The following BAIAP2 variants were observed in gnomAD, a reference collection of about 807,000 sequenced individuals.
The protein encoded by BAIAP2 is BAR/IMD domain containing adaptor protein 2.
BAIAP2 carries 18 observed loss-of-function variants against 63.0 expected under a neutral mutation model. The ratio of observed to expected loss-of-function variants is 0.29; its 90% CI spans 0.20 to 0.42. The LOEUF is 0.42. Ranked by LOEUF, BAIAP2 falls within the 10% of genes least tolerant of loss-of-function variation. The probability of loss-of-function intolerance (pLI) is 1.00; values close to 1 mark genes in which losing one functional copy is unlikely to be tolerated. For missense variants in BAIAP2, 610 were observed against 734.3 expected, an observed-to-expected ratio of 0.83 and a Z score of 1.96; for synonymous variants, 386 against 307.6, an observed-to-expected ratio of 1.25 and a Z score of -2.67.
chr17:81,102,850 C>T (rs2058677987), intron 7 of BAIAP2, among the ~76,000 whole-genome samples: 2 of 152,192 alleles, frequency 1.3e-5, no homozygotes, highest in South Asian at 2.1e-4. Context: ...CTGCTTAGGC[C>T]AAATGGCCAG....
intron 3 of BAIAP2, among the ~76,000 whole-genome samples, chr17:81,064,642 TTC>T (rs996184024): frequency 6.6e-6 from 1 of 152,222 alleles, no homozygotes; most frequent in Non-Finnish European, 1.5e-5. Flanking sequence ...TGCCCCTTTG[TTC>T]TCTCTCCTGG....
intron 6 of BAIAP2, among the ~76,000 whole-genome samples, chr17:81,091,726 G>A (rs910856286): frequency 6.6e-6 from 1 of 152,366 alleles, no homozygotes; most frequent in Non-Finnish European, 1.5e-5. Flanking sequence ...GTGACCCCAC[G>A]CAAGGGTGGC....
At chr17:81,079,884 T>C (rs1364593866) in intron 3 of BAIAP2, among the ~76,000 whole-genome samples, 1 of 152,118 alleles carries the variant, frequency 6.6e-6, no homozygotes, top group Non-Finnish European at 1.5e-5. Context: ...TGGCACACCC[T>C]GTCCCTCAGC....
rs60972273 is a variant in BAIAP2 at position 81,057,973 on chromosome 17, A to ACCCCCCCCCCCCC, written c.217+10_217+22dup. ...CCAGGGCTCCAAAGAACTCGGTGAG[A>ACCCCCCCCCCCCC]CCCCCCCCCCCCCCCCGCCTGGTAG... is the stretch of plus-strand genomic sequence containing the variant. On this transcript the variant is annotated splice_region_variant and intron_variant, in intron 3 of 13. Transcript: ENST00000428708. 86 of 765,856 alleles carry ACCCCCCCCCCCCC rather than the reference A, an allele frequency of 1.1e-4. 15 individuals are homozygous for ACCCCCCCCCCCCC. The highest frequency in any genetic ancestry group is 2.6e-4 in the African/African-American group (6 of 22,746). The allele number at this position is 765,856 out of a possible 1,614,324, so 47.4% of individuals were successfully genotyped here. A position where few individuals can be genotyped will look rare whatever the true frequency, so the allele number is the denominator to read the frequency against.
chr17:81,099,365 C>T lies in BAIAP2; in HGVS notation c.490-563C>T, dbSNP rs370904179. ...GGTGCGCCCGGAGTCCCCTCTGCAG[C>T]AGAGGGCTTCCCTGGGGTCCTTGGC... On this transcript the variant is annotated intron_variant, in intron 6 of 13. Transcript: ENST00000428708. Among the ~76,000 whole-genome samples, 525 of 152,318 alleles carry T rather than the reference C, an allele frequency of 3.4e-3. 9 individuals carry two copies. The South Asian group carries it at 0.039, about 11-fold the overall frequency.
intron 13 of BAIAP2, chr17:81,110,960 G>C: frequency 5.0e-6 from 8 of 1,613,874 alleles, no homozygotes; most frequent in Non-Finnish European, 5.9e-6. Context: ...ACTAGAGTTA[G>C]TAAGTTGCCT....
At chr17:81,091,353 G>C (rs1321423429) in intron 6 of BAIAP2, among the ~76,000 whole-genome samples, 1 of 152,072 alleles carries the variant, frequency 6.6e-6, no homozygotes, top group Non-Finnish European at 1.5e-5. Flanking sequence ...CCTCTTCACC[G>C]GCCTCTCCAT....
At chr17:81,036,173 A>G (rs72851872) in intron 1 of BAIAP2, 6,993 of 151,652 alleles carry the variant, frequency 0.046, 173 homozygotes, top group Non-Finnish European at 0.058. Context: ...TTTCTTCAGC[A>G]TCCGTTCTCG....
chr17:81,092,606 T>C (rs898601998), intron 6 of BAIAP2, among the ~76,000 whole-genome samples: 3 of 152,168 alleles, frequency 2.0e-5, no homozygotes, highest in South Asian at 2.1e-4. Context: ...ATTTTAGTTA[T>C]AGGTCAGGGC....
intron 3 of BAIAP2, among the ~76,000 whole-genome samples, chr17:81,074,963 A>C (rs2053412317): frequency 6.6e-6 from 1 of 152,252 alleles, no homozygotes; most frequent in South Asian, 2.1e-4. Flanking sequence ...TGGGAAGAGA[A>C]TAATGTAGTT....
intron 13 of BAIAP2, among the ~76,000 whole-genome samples, chr17:81,112,009 C>T (rs1009614596): frequency 4.6e-5 from 7 of 152,352 alleles, no homozygotes; most frequent in Admixed American, 1.3e-4. Flanking sequence ...TGTTGATTTT[C>T]GGCAACAAAT....
intron 13 of BAIAP2, chr17:81,109,775 C>T (rs374161674): frequency 2.8e-5 from 28 of 985,332 alleles, no homozygotes; most frequent in East Asian, 2.3e-4. Context: ...CCCAGCTGGC[C>T]GCACACGGAC....
At position 81,035,164 on chromosome 17, in the gene BAIAP2, G is replaced by C. The variant is rs902441330; in HGVS notation, c.-91G>C. The C allele has an allele frequency of 3.7e-5, 41 of 1,114,536 alleles. No individual in the cohort carries two copies. The highest frequency in any genetic ancestry group is 3.2e-4 in the East Asian group (9 of 27,842). 69.0% of individuals were successfully genotyped at this position (1,114,536 alleles called of 1,614,324 possible). On this transcript the variant is annotated 5_prime_UTR_variant, in exon 1 of 14. Coordinates refer to ENST00000428708, the MANE Select transcript of BAIAP2 (RefSeq NM_001144888.2). ...ACGCCGGGCTCTGTGGTTCGGGTCCGCTTTCGTCTCCGTCCTGCTGCCGTT... is the reference window on the plus strand; with the variant it reads ...ACGCCGGGCTCTGTGGTTCGGGTCCCCTTTCGTCTCCGTCCTGCTGCCGTT...
rs751045704 is a variant in BAIAP2, at chr17:81,104,647, C to T, written c.1200C>T (p.Asp400=). The change falls in exon 10 of 14, where the codon GAC becomes GAT. Residue 400 remains aspartate, a synonymous_variant. Transcript: ENST00000428708. The part of the protein sequence containing the change: ...NSTLLSFKEG[D]LITLLVPEAR... ...CCCTCCTGAGCTTCAAGGAGGGTGA[C>T]CTCATTACCCTGCTGGTGCCTGAGG... 22 of 1,609,512 alleles carry T rather than the reference C, an allele frequency of 1.4e-5. No individual in the cohort carries two copies. The highest frequency in any genetic ancestry group is 1.1e-4 in the South Asian group (10 of 90,502).
chr17:81,094,960 C>T (rs1363001488), intron 6 of BAIAP2, among the ~76,000 whole-genome samples: 1 of 152,212 alleles, frequency 6.6e-6, no homozygotes, highest in African/African-American at 2.4e-5. Flanking sequence ...ACCAAAGCCG[C>T]CTTGGTTTTT....
In BAIAP2 at chr17:81,108,319, C is replaced by CTT. The variant is rs540272067; in HGVS notation, c.1501-155_1501-154insTT. On this transcript the variant is annotated intron_variant, in intron 12 of 13. Transcript: ENST00000428708. ...TGGGACCAGGGCTCCAGGCAGGTCT[C>CTT]TGAGTGCTGCAGCCAGGAGATGGGG... 1.5e-4 allele frequency: 116 copies of CTT among 753,274 alleles called. 1 individual carries two copies. The highest frequency in any genetic ancestry group is 5.2e-4 in the South Asian group (30 of 57,184). 46.7% of individuals were successfully genotyped at this position (753,274 alleles called of 1,614,324 possible).
At position 81,106,102 on chromosome 17, in the gene BAIAP2, C is replaced by T. The variant is rs1013131158; in HGVS notation, c.1293C>T (p.Tyr431=). The T allele has an allele frequency of 3.8e-6, 6 of 1,582,600 alleles. No homozygotes were observed. Among genetic ancestry groups the T allele is most frequent in the Middle Eastern group, 1.7e-4 (1 of 6,032 alleles). Residue 431 remains tyrosine, a synonymous_variant, in exon 11 of 14, where the codon TAC becomes TAT. Coordinates refer to ENST00000428708, the MANE Select transcript of BAIAP2 (RefSeq NM_001144888.2). ...GGCGGGGCTGGTTTCCCTTCTCCTA[C>T]ACCCGGGTCTTGGACAGCGATGGCA... ...TKMRGWFPFS[Y]TRVLDSDGSD... is the part of the protein sequence containing the mutation.
At chr17:81,065,101 G>T (rs1014853770) in intron 3 of BAIAP2, among the ~76,000 whole-genome samples, 3 of 152,160 alleles carry the variant, frequency 2.0e-5, no homozygotes, top group African/African-American at 7.2e-5. Flanking sequence ...TTTCCCAGGG[G>T]CGTCTGCTCC....
At chr17:81,050,260 G>A (rs2048456127) in intron 1 of BAIAP2, among the ~76,000 whole-genome samples, 1 of 152,194 alleles carries the variant, frequency 6.6e-6, no homozygotes, top group South Asian at 2.1e-4. Context: ...CTCTGCCATT[G>A]CCTTCGGGCC....
Sources: allele counts gnomAD v4.1 joint callset (sites outside exome capture counted in the v4.1 genomes callset), GRCh38; gene constraint gnomAD v4.1.1; transcripts MANE v1.5; gene names NCBI Gene and HGNC (gene_info 2026-07-23, HGNC 2026-07-21).